The following HRH1 variants were observed in gnomAD, a reference collection of about 807,000 sequenced individuals.
HRH1 encodes the protein histamine H1 receptor.
Under a neutral mutation model 10.3 loss-of-function variants are expected in HRH1, and 6 were observed. The observed-to-expected ratio is 0.58, with a 90% CI of 0.32 to 1.15. HRH1 has a LOEUF of 1.15. Ranked by LOEUF, HRH1 falls within the 50% of genes most tolerant of loss-of-function variation. The pLI, the probability that HRH1 is intolerant of heterozygous loss-of-function variation, is 0.05. For synonymous variants in HRH1, 242 were observed against 236.7 expected (o/e 1.02, Z -0.21); for missense variants, 514 against 615.3 (o/e 0.84, Z 1.74).
At chr3:11,196,965 A>AG (rs1483172294) in intron 1 of HRH1, among the ~76,000 whole-genome samples, 2 of 150,810 alleles carry the variant, frequency 1.3e-5, no homozygotes, top group Non-Finnish European at 3.0e-5. Flanking sequence ...AAAAAAAAAA[A>AG]AAAAAAAAAA....
intron 1 of HRH1, among the ~76,000 whole-genome samples, chr3:11,205,763 G>A (rs546334263): frequency 3.4e-4 from 51 of 151,886 alleles, no homozygotes; most frequent in African/African-American, 1.2e-3. Flanking sequence ...CCAGATTCAA[G>A]TGATTCTTCT....
intron 1 of HRH1, among the ~76,000 whole-genome samples, chr3:11,183,611 G>A (rs572518393): frequency 2.2e-4 from 34 of 152,232 alleles, no homozygotes; most frequent in African/African-American, 6.7e-4. Flanking sequence ...CCGGGGCGGC[G>A]GCATGCATGT....
chr3:11,161,944 A>G (rs77866721), intron 1 of HRH1, among the ~76,000 whole-genome samples: 1,748 of 152,320 alleles, frequency 0.011, 19 homozygotes, highest in South Asian at 0.04. Flanking sequence ...GAATGAAGAC[A>G]AAAGGCAAGA....
At chr3:11,137,955 G>A (rs76073857) in intron 1 of HRH1, among the ~76,000 whole-genome samples, 3,689 of 152,144 alleles carry the variant, frequency 0.024, 64 homozygotes, top group Middle Eastern at 0.092. Flanking sequence ...CCAGAGAATG[G>A]GAGAAAATAT....
intron 1 of HRH1, among the ~76,000 whole-genome samples, chr3:11,257,559 C>CAA (rs1235459388): frequency 4.0e-5 from 4 of 99,638 alleles, no homozygotes; most frequent in African/African-American, 7.2e-5. Context: ...GACTCCATCT[C>CAA]AAAAAAAAAA....
intron 1 of HRH1, among the ~76,000 whole-genome samples, chr3:11,244,810 T>C (rs2152582583): frequency 6.6e-6 from 1 of 152,316 alleles, no homozygotes; most frequent in African/African-American, 2.4e-5. Context: ...GCTGCACTCT[T>C]GGGTGGGAAT....
chr3:11,253,530 C>T (rs1939704530), intron 1 of HRH1, among the ~76,000 whole-genome samples: 1 of 152,160 alleles, frequency 6.6e-6, no homozygotes, highest in Admixed American at 6.5e-5. Flanking sequence ...GCTCTTTAAG[C>T]CTTTCTAAAA....
chr3:11,186,150 G>A (rs563319611), intron 1 of HRH1, among the ~76,000 whole-genome samples: 2 of 152,222 alleles, frequency 1.3e-5, no homozygotes, highest in South Asian at 2.1e-4. Context: ...TCTGAGTCAG[G>A]TTTGGCATCC....
intron 1 of HRH1, among the ~76,000 whole-genome samples, chr3:11,164,322 G>A (rs1333469088): frequency 6.6e-6 from 1 of 152,160 alleles, no homozygotes; most frequent in East Asian, 1.9e-4. Flanking sequence ...GAAAGGAGAT[G>A]TGATGGGGTG....
At position 11,180,948 on chromosome 3, in the gene HRH1, TACACACACACACACACACACAC is replaced by T. The variant is rs71055851; in HGVS notation, c.-36+26425_-36+26446del. On this transcript the variant is annotated intron_variant, in intron 1 of 1. Coordinates refer to ENST00000431010, the MANE Select transcript of HRH1 (RefSeq NM_001098212.2). ...TGTGGACATACACTTCTCTCAGGCA[TACACACACACACACACACACAC>T]ACACACACACACACACACACACACA... Among the ~76,000 whole-genome samples, 77 of 121,116 alleles carry T rather than the reference TACACACACACACACACACACAC, an allele frequency of 6.4e-4. 1 individual carries two copies. Among genetic ancestry groups the T allele is most frequent in the Middle Eastern group, 4.4e-3 (1 of 228 alleles). 79.5% of individuals were successfully genotyped at this position (121,116 alleles called of 152,430 possible). A position where few individuals can be genotyped will look rare whatever the true frequency, so the allele number is the denominator to read the frequency against.
intron 1 of HRH1, among the ~76,000 whole-genome samples, chr3:11,251,355 T>A (rs1028262758): frequency 2.0e-5 from 3 of 152,216 alleles, no homozygotes; most frequent in Non-Finnish European, 4.4e-5. Flanking sequence ...GGCCTCGCTC[T>A]GCCCAAATTT....
rs901732618 is a variant in HRH1 at position 11,259,127 on chromosome 3, G to A, written c.90G>A (p.Leu30=). Residue 30 remains leucine, a synonymous_variant, in exon 2 of 2, where the codon CTG becomes CTA. Transcript: ENST00000431010. The surrounding 1 kb of genome is among the most constrained non-coding windows in gnomAD (Gnocchi z 4.6). The stretch of plus-strand genomic sequence containing the variant: ...TGGCCAGCCCCCAGCTGATGCCCCT[G>A]GTGGTGGTCCTGAGCACTATCTGCT... ...TTMASPQLMP[L]VVVLSTICLV... is the part of the protein sequence containing the mutation. The A allele has an allele frequency of 6.2e-7, 1 of 1,614,140 alleles. No individual in the cohort carries two copies. The highest frequency in any genetic ancestry group is 1.3e-5 in the African/African-American group (1 of 75,038).
chr3:11,150,462 C>T (rs1226537466), upstream of HRH1, among the ~76,000 whole-genome samples: 1 of 152,248 alleles, frequency 6.6e-6, no homozygotes, highest in East Asian at 1.9e-4. Context: ...CTCCATGATG[C>T]GATGGGTGGG....
intron 1 of HRH1, among the ~76,000 whole-genome samples, chr3:11,219,641 A>C (rs1411743999): frequency 1.5e-5 from 2 of 136,908 alleles, no homozygotes; most frequent in Non-Finnish European, 3.1e-5. Flanking sequence ...TGGACCCGGG[A>C]GGTGGAGCTT....
intron 1 of HRH1, among the ~76,000 whole-genome samples, chr3:11,253,724 T>A (rs1939710443): frequency 2.0e-5 from 3 of 152,214 alleles, no homozygotes. Context: ...GTTCAGCCGC[T>A]GGAACGTTCT....
intron 1 of HRH1, among the ~76,000 whole-genome samples, chr3:11,145,798 T>C (rs1936429025): frequency 6.6e-6 from 1 of 152,188 alleles, no homozygotes; most frequent in South Asian, 2.1e-4. Context: ...ATTTTACTAA[T>C]TATTTAGATA....
intron 1 of HRH1, among the ~76,000 whole-genome samples, chr3:11,204,170 C>T (rs907522442): frequency 3.3e-5 from 5 of 152,090 alleles, no homozygotes; most frequent in African/African-American, 1.2e-4. Flanking sequence ...TCATATCCAT[C>T]CATTAAACAG....
intron 1 of HRH1, among the ~76,000 whole-genome samples, chr3:11,184,930 A>T (rs543606693): frequency 1.1e-4 from 17 of 151,774 alleles, no homozygotes; most frequent in African/African-American, 3.9e-4. Context: ...AAAAAAAAAA[A>T]AAAAAGAATC....
intron 1 of HRH1, among the ~76,000 whole-genome samples, chr3:11,171,823 C>G (rs1937156642): frequency 6.6e-6 from 1 of 152,232 alleles, no homozygotes; most frequent in South Asian, 2.1e-4. Flanking sequence ...TGTGTTCCTA[C>G]CTCTGTTGTC....
Sources: gnomAD v4.1 joint callset for allele counts (sites outside exome capture counted in the v4.1 genomes callset) on GRCh38, gnomAD v4.1.1 for gene constraint, Gnocchi (gnomAD v3.1) non-coding constraint, MANE v1.5 for transcripts, NCBI Gene and HGNC (gene_info 2026-07-23, HGNC 2026-07-21) for gene names.